AGPS: variants seen among roughly 807,000 people sequenced by gnomAD.
AGPS encodes the protein alkyldihydroxyacetonephosphate synthase, peroxisomal.
Under a neutral mutation model 90.7 loss-of-function variants are expected in AGPS, and 26 were observed. The observed-to-expected ratio is 0.29, with a 90% CI of 0.21 to 0.40. AGPS has a LOEUF of 0.40. AGPS is among the 10% of genes least tolerant of loss of function. AGPS has a pLI of 1.00. For missense variants in AGPS, 540 were observed against 816.1 expected, an observed-to-expected ratio of 0.66 and a Z score of 4.12; for synonymous variants, 294 against 285.3, an observed-to-expected ratio of 1.03 and a Z score of -0.31.
chr2:177,462,234 C>CA (rs897259535), intron 9 of AGPS, among the ~76,000 whole-genome samples: 22 of 149,714 alleles, frequency 1.5e-4, no homozygotes, highest in Admixed American at 2.7e-4. Context: ...ACTAAAAATA[C>CA]AAAAAAAAAT....
chr2:177,464,368 C>T (rs1574389798), intron 9 of AGPS, among the ~76,000 whole-genome samples: 1 of 152,062 alleles, frequency 6.6e-6, no homozygotes, highest in Non-Finnish European at 1.5e-5. Context: ...ATACATGTGG[C>T]TACAATGGAA....
intron 3 of AGPS, among the ~76,000 whole-genome samples, chr2:177,435,806 A>C (rs1049101602): frequency 1.3e-5 from 2 of 152,136 alleles, no homozygotes; most frequent in Non-Finnish European, 2.9e-5. Context: ...CCGTTTATAG[A>C]CTTCTTCCTA....
In AGPS at chr2:177,543,333, C is replaced by G. The variant is rs1182339158; in HGVS notation, c.*5138C>G. 2.6e-5 allele frequency: 4 copies of G among 152,142 alleles called. No individual in the cohort carries two copies. Among genetic ancestry groups the G allele is most frequent in the African/African-American group, 9.7e-5 (4 of 41,426 alleles). The allele number at this position is 152,142 out of a possible 1,614,324, so 9.4% of individuals were successfully genotyped here. On this transcript the variant is annotated 3_prime_UTR_variant, in exon 20 of 20. Coordinates refer to ENST00000264167, the MANE Select transcript of AGPS (RefSeq NM_003659.4). ...CTTCAGAATAACGAATATTTCTGTT[C>G]TGGACAATGATTAAATCTTATGAGA...
At chr2:177,513,344 C>T (rs1453623649) in intron 16 of AGPS, among the ~76,000 whole-genome samples, 3 of 152,120 alleles carry the variant, frequency 2.0e-5, no homozygotes, top group East Asian at 3.9e-4. Context: ...CCTCTGGCCT[C>T]GGCTTCCTGA....
chr2:177,418,093 C>G (rs900874181), intron 1 of AGPS, among the ~76,000 whole-genome samples: 20 of 152,000 alleles, frequency 1.3e-4, no homozygotes, highest in African/African-American at 4.6e-4. Context: ...TCTGAGAAGA[C>G]TCCAAAAGTT....
chr2:177,539,498 CCTAA>C lies in AGPS; in HGVS notation c.*1306_*1309del, dbSNP rs892933063. ...GATGGATTCTTTTCTTAATGCAATA[CCTAA>C]CTTTTGATAATTTTTTAAAACTAAT... On this transcript the variant is annotated 3_prime_UTR_variant, in exon 20 of 20. Coordinates refer to ENST00000264167, the MANE Select transcript of AGPS (RefSeq NM_003659.4). 2.0e-5 allele frequency: 3 copies of C among 151,906 alleles called. No homozygotes were observed. Among genetic ancestry groups the C allele is most frequent in the Admixed American group, 1.3e-4 (2 of 15,222 alleles). 9.4% of individuals were successfully genotyped at this position (151,906 alleles called of 1,614,324 possible).
intron 8 of AGPS, among the ~76,000 whole-genome samples, chr2:177,448,097 A>C (rs949711793): frequency 1.3e-5 from 2 of 151,492 alleles, no homozygotes; most frequent in African/African-American, 2.4e-5. Flanking sequence ...TTTTCTGCTT[A>C]GGCACATCAT....
At position 177,436,902 on chromosome 2, in the gene AGPS, A is replaced by T. The variant is rs771878828; in HGVS notation, c.562+18A>T. On this transcript the variant is annotated intron_variant, in intron 4 of 19. Transcript: ENST00000264167. ...AGCTCATGGTAAGTTACTTTATATT[A>T]GCCCTATTTATTTTTAACAAAAAAA... 4 of 1,611,800 alleles carry T rather than the reference A, an allele frequency of 2.5e-6. No homozygotes were observed. In the Admixed American group the frequency reaches 6.7e-5, roughly 27 times the overall value.
At chr2:177,411,107 C>G (rs1045138870) in intron 1 of AGPS, among the ~76,000 whole-genome samples, 4 of 152,116 alleles carry the variant, frequency 2.6e-5, no homozygotes, top group African/African-American at 9.7e-5. Flanking sequence ...CCCTTTCTGC[C>G]TGCTCTTTCT....
chr2:177,460,237 C>T (rs1015243691), intron 8 of AGPS, among the ~76,000 whole-genome samples: 1 of 152,028 alleles, frequency 6.6e-6, no homozygotes, highest in African/African-American at 2.4e-5. Context: ...ATGGGTGCAG[C>T]AAACCACCAT....
intron 8 of AGPS, among the ~76,000 whole-genome samples, chr2:177,448,601 T>G (rs1343672915): frequency 4.6e-5 from 7 of 152,216 alleles, no homozygotes; most frequent in Admixed American, 3.9e-4. Flanking sequence ...GAGATGGAAA[T>G]TCAATTCCTT....
At chr2:177,437,821 T>G (rs1010420732) in intron 5 of AGPS, among the ~76,000 whole-genome samples, 1 of 152,126 alleles carries the variant, frequency 6.6e-6, no homozygotes, top group Non-Finnish European at 1.5e-5. Flanking sequence ...TCCTTCTACT[T>G]TGGAGGGACT....
chr2:177,421,942 C>G (rs1009604955), intron 2 of AGPS, among the ~76,000 whole-genome samples: 1 of 151,982 alleles, frequency 6.6e-6, no homozygotes, highest in Non-Finnish European at 1.5e-5. Flanking sequence ...TGTATTTCAG[C>G]AAAGTCTTCT....
At chr2:177,419,057 G>C (rs1399642611) in intron 1 of AGPS, among the ~76,000 whole-genome samples, 1 of 151,872 alleles carries the variant, frequency 6.6e-6, no homozygotes, top group Non-Finnish European at 1.5e-5. Flanking sequence ...AATCATAGTT[G>C]TAAACAGAGC....
chr2:177,532,074 T>A (rs920199831), intron 19 of AGPS, among the ~76,000 whole-genome samples: 1 of 152,100 alleles, frequency 6.6e-6, no homozygotes, highest in African/African-American at 2.4e-5. Flanking sequence ...GGCAAAGAAT[T>A]CTTAGACCGG....
chr2:177,408,268 T>C (rs576900070), intron 1 of AGPS, among the ~76,000 whole-genome samples: 125 of 152,328 alleles, frequency 8.2e-4, no homozygotes, highest in African/African-American at 2.9e-3. Flanking sequence ...TTAGTAGTCA[T>C]GGCTCACCAT....
chr2:177,428,788 ATGTG>A, intron 2 of AGPS, among the ~76,000 whole-genome samples: 1 of 152,074 alleles, frequency 6.6e-6, no homozygotes, highest in Admixed American at 6.6e-5. Flanking sequence ...TCTGATGATT[ATGTG>A]TCTTGGGGTT....
At chr2:177,479,880 G>A (rs1012114431) in intron 10 of AGPS, among the ~76,000 whole-genome samples, 3 of 152,098 alleles carry the variant, frequency 2.0e-5, no homozygotes, top group Admixed American at 6.6e-5. Flanking sequence ...TGAATATAAC[G>A]CAAAACATTG....
chr2:177,473,283 T>C (rs1349248530), intron 10 of AGPS, among the ~76,000 whole-genome samples: 1 of 152,204 alleles, frequency 6.6e-6, no homozygotes, highest in Non-Finnish European at 1.5e-5. Context: ...GAGAAAAGAT[T>C]CATAATCAAA....
Sources: allele counts gnomAD v4.1 joint callset (sites outside exome capture counted in the v4.1 genomes callset), GRCh38; gene constraint gnomAD v4.1.1; transcripts MANE v1.5; gene names NCBI Gene and HGNC (gene_info 2026-07-23, HGNC 2026-07-21).